The following IGSF9B variants were observed in gnomAD, a reference collection of about 807,000 sequenced individuals.
The protein encoded by IGSF9B is protein turtle homolog B.
IGSF9B carries 48 observed loss-of-function variants against 143.7 expected under a neutral mutation model. The observed-to-expected ratio is 0.33, with a 90% confidence interval of 0.26 to 0.42. The LOEUF is 0.42. Ranked by LOEUF, IGSF9B falls within the 20% of genes least tolerant of loss-of-function variation. The pLI is 1.00. For synonymous variants in IGSF9B, 903 were observed against 833.1 expected (o/e 1.08, Z -1.44); for missense variants, 1,706 against 1,980.0 (o/e 0.86, Z 2.63).
chr11:133,917,840 C>T lies in IGSF9B; in HGVS notation c.3983+1902G>A, dbSNP rs181847057. The stretch of plus-strand genomic sequence containing the variant: ...GCTGGGAGAATAGGGTGCGGGGGGG[C>T]TCTTCCTGGATACCAGAGGGGCCCC... On this transcript the variant is annotated intron_variant, in intron 18 of 19. Coordinates refer to ENST00000533871, the MANE Select transcript of IGSF9B (RefSeq NM_001277285.4). 1.0e-3 allele frequency among the ~76,000 whole-genome samples: 154 copies of T among 152,164 alleles called. 1 individual carries two copies. The highest frequency in any genetic ancestry group is 5.2e-3 in the Admixed American group (79 of 15,304).
intron 1 of IGSF9B, among the ~76,000 whole-genome samples, chr11:133,955,889 T>TCCCCG (rs1196543628): frequency 1.3e-5 from 2 of 150,388 alleles, no homozygotes; most frequent in Non-Finnish European, 3.0e-5. Flanking sequence ...GACCCCCCCT[T>TCCCCG]CCCCGCCCCT....
At position 133,956,841 on chromosome 11, in the gene IGSF9B, G is replaced by T; in HGVS notation, c.-87C>A. On this transcript the variant is annotated 5_prime_UTR_variant, in exon 1 of 20. Transcript: ENST00000533871. Reference sequence around the variant, plus strand: ...CCTCGCGCCCGAGCGCCCGCCTCGCGCCCGCCTCGCGCCGCCTACGCCCCG... The same window carrying T: ...CCTCGCGCCCGAGCGCCCGCCTCGCTCCCGCCTCGCGCCGCCTACGCCCCG... The T allele has an allele frequency of 2.5e-6, 2 of 786,944 alleles. No individual in the cohort carries two copies. Among genetic ancestry groups the T allele is most frequent in the South Asian group, 5.3e-5 (1 of 18,756 alleles). 48.7% of individuals were successfully genotyped at this position (786,944 alleles called of 1,614,324 possible). A position where few individuals can be genotyped will look rare whatever the true frequency, so the allele number is the denominator to read the frequency against.
At chr11:133,940,643 A>G (rs574595326) in intron 3 of IGSF9B, among the ~76,000 whole-genome samples, 29 of 144,148 alleles carry the variant, frequency 2.0e-4, no homozygotes, top group African/African-American at 7.4e-4. Flanking sequence ...CGCACGCGTC[A>G]TCACACGCAA....
rs1408687064 is a variant in IGSF9B at position 133,912,167 on chromosome 11, T to A, written c.3984-160A>T. 26 of 859,400 alleles carry A rather than the reference T, an allele frequency of 3.0e-5. 1 individual carries two copies. Among genetic ancestry groups the A allele is most frequent in the Admixed American group, 2.1e-5 (1 of 47,342 alleles). The allele number at this position is 859,400 out of a possible 1,614,324, so 53.2% of individuals were successfully genotyped here. ...TGGCTCCATGACACCCGCCTTTCTATTGCTCCTGGAAAGAAGAAAACCCAG... is the reference window on the plus strand; with the variant it reads ...TGGCTCCATGACACCCGCCTTTCTAATGCTCCTGGAAAGAAGAAAACCCAG... On this transcript the variant is annotated intron_variant, in intron 18 of 19. Coordinates refer to ENST00000533871, the MANE Select transcript of IGSF9B (RefSeq NM_001277285.4).
chr11:133,938,369 T>C (rs1178602955), intron 3 of IGSF9B, among the ~76,000 whole-genome samples: 1 of 152,272 alleles, frequency 6.6e-6, no homozygotes, highest in East Asian at 1.9e-4. Flanking sequence ...CCAGGACACT[T>C]GCCGTCGGAG....
At position 133,920,855 on chromosome 11, in the gene IGSF9B, G is replaced by T. The variant is rs546570473; in HGVS notation, c.2870C>A (p.Ala957Asp). The part of the protein sequence containing the change: ...LQATGQARPP[A>D]PRPFHHGQYY... The stretch of plus-strand genomic sequence containing the variant: ...CTGGCCATGGTGGAAGGGCCGGGGG[G>T]CAGGGGGCCGGGCCTGGCCTGTGGC... Residue 957 changes from alanine to aspartate, a missense_variant, in exon 18 of 20, where the codon GCC (alanine) becomes GAC (aspartate). Physicochemically the swap from Ala to Asp is moderately radical, Grantham distance 126. This residue lies in a region of IGSF9B where 880 missense variants were observed against 762.9 expected (regional missense o/e 1.15). Transcript: ENST00000533871. 4.4e-6 allele frequency: 7 copies of T among 1,601,374 alleles called. No individual in the cohort carries two copies. In the African/African-American group the frequency reaches 5.4e-5, roughly 12 times the overall value.
At position 133,920,044 on chromosome 11, in the gene IGSF9B, G is replaced by T; in HGVS notation, c.3681C>A (p.Gly1227=). ...ELAARARPRP[G]LLQQAEMSEI... is the part of the protein sequence containing the mutation. ...CTGACATCTCTGCCTGCTGCAGGAG[G>T]CCCGGGCGAGGCCGGGCACGGGCGG... Residue 1227 remains glycine (G), a synonymous_variant, in exon 18 of 20, where the codon GGC becomes GGA. Coordinates refer to ENST00000533871, the MANE Select transcript of IGSF9B (RefSeq NM_001277285.4). 6.4e-7 allele frequency: 1 copy of T among 1,566,506 alleles called. No individual in the cohort carries two copies. Among genetic ancestry groups the T allele is most frequent in the Non-Finnish European group, 8.6e-7 (1 of 1,157,916 alleles).
intron 18 of IGSF9B, among the ~76,000 whole-genome samples, chr11:133,916,031 G>A (rs1939374357): frequency 6.6e-6 from 1 of 152,172 alleles, no homozygotes; most frequent in Non-Finnish European, 1.5e-5. Context: ...TGTTTACAAA[G>A]GGGCCCCTTC....
chr11:133,921,337 G>A lies in IGSF9B; in HGVS notation c.2388C>T (p.Ser796=), dbSNP rs1395640546. The change falls in exon 18 of 20, where the codon TCC becomes TCT. Residue 796 remains serine (S), a synonymous_variant. Coordinates refer to ENST00000533871, the MANE Select transcript of IGSF9B (RefSeq NM_001277285.4). ...CCGCGGGCTGGCCCTGGTCGTCGGA[G>A]GATTCTGACGGCGCTCGGAGCGTGC... ...SIRTLRAPSE[S]SDDQGQPAAK... 29 of 1,587,572 alleles carry A rather than the reference G, an allele frequency of 1.8e-5. No individual in the cohort carries two copies. Among genetic ancestry groups the A allele is most frequent in the Non-Finnish European group, 2.4e-5 (28 of 1,165,890 alleles).
intron 3 of IGSF9B, among the ~76,000 whole-genome samples, chr11:133,942,517 C>T (rs1361621551): frequency 2.6e-5 from 4 of 152,200 alleles, no homozygotes; most frequent in Non-Finnish European, 2.9e-5. Context: ...TCCAGTCATA[C>T]GCACGTCCAC....
Position 133,920,994 on chromosome 11 carries a change from G to T in IGSF9B, c.2731C>A (p.Gln911Lys). The T allele has an allele frequency of 6.2e-7, 1 of 1,611,270 alleles. No individual in the cohort carries two copies. The highest frequency in any genetic ancestry group is 8.5e-7 in the Non-Finnish European group (1 of 1,178,122). The change falls in exon 18 of 20, where the codon CAG (glutamine) becomes AAG (lysine). Residue 911 changes from glutamine to lysine, a missense_variant. Gln to Lys is a moderately conservative substitution (Grantham distance 53, BLOSUM62 1). Around this residue, in one of 7 missense-constraint regions of IGSF9B, gnomAD observed 880 missense variants for 762.9 expected, o/e 1.15. Coordinates refer to ENST00000533871, the MANE Select transcript of IGSF9B (RefSeq NM_001277285.4). The part of the protein sequence containing the change: ...VPTSVAALKS[Q>K]LTPLSSSQES... ...TGGCTGGATGACAGAGGGGTGAGCTGGGACTTCAGGGCGGCCACAGATGTG... is the reference window on the plus strand; with the variant it reads ...TGGCTGGATGACAGAGGGGTGAGCTTGGACTTCAGGGCGGCCACAGATGTG...
At chr11:133,932,025 T>C (rs776969307) in intron 8 of IGSF9B, 46 bp downstream of exon 8, 2 of 1,584,416 alleles carry the variant, frequency 1.3e-6, no homozygotes, top group East Asian at 2.2e-5. Flanking sequence ...ATCACAGTAC[T>C]GGGGGGAGCC....
Position 133,921,350 on chromosome 11 carries a change from G to T in IGSF9B, c.2375C>A (p.Ala792Glu). The T allele has an allele frequency of 6.3e-7, 1 of 1,577,962 alleles. No individual in the cohort carries two copies. ...CTGGTCGTCGGAGGATTCTGACGGCGCTCGGAGCGTGCGGATGCTCTCGGG... is the reference window on the plus strand; with the variant it reads ...CTGGTCGTCGGAGGATTCTGACGGCTCTCGGAGCGTGCGGATGCTCTCGGG... The part of the protein sequence containing the change: ...VSPESIRTLR[A>E]PSESSDDQGQ... The change falls in exon 18 of 20, where the codon GCG becomes GAG. Residue 792 changes from alanine to glutamate, a missense_variant. Ala to Glu is a moderately radical substitution (Grantham distance 107). Coordinates refer to ENST00000533871, the MANE Select transcript of IGSF9B (RefSeq NM_001277285.4).
chr11:133,920,418 A>G lies in IGSF9B; in HGVS notation c.3307T>C (p.Trp1103Arg). The change falls in exon 18 of 20, where the codon TGG (tryptophan) becomes CGG (arginine). Residue 1103 changes from tryptophan (W) to arginine (R), a missense_variant. Physicochemically the swap from Trp to Arg is moderately radical, Grantham distance 101. Transcript: ENST00000533871. ...GILSLEAPKG[W>R]AGKSPGRGPV... ...CCCCTGCCGGGCGACTTGCCTGCCC[A>G]ACCCTTCGGTGCCTCCAGAGACAGG... 1 of 1,586,426 alleles carries G rather than the reference A, an allele frequency of 6.3e-7. No individual in the cohort carries two copies. Among genetic ancestry groups the G allele is most frequent in the East Asian group, 2.2e-5 (1 of 44,612 alleles).
chr11:133,939,767 AG>A (rs2121326226), intron 3 of IGSF9B, among the ~76,000 whole-genome samples: 1 of 151,854 alleles, frequency 6.6e-6, no homozygotes, highest in Admixed American at 6.6e-5. Context: ...CATCGCACAC[AG>A]AAACACACAC....
chr11:133,940,850 T>C (rs1249604223), intron 3 of IGSF9B, among the ~76,000 whole-genome samples: 1 of 152,184 alleles, frequency 6.6e-6, no homozygotes, highest in African/African-American at 2.4e-5. Context: ...CTAAAAATAA[T>C]GGCAAAAAGT....
At position 133,922,280 on chromosome 11, in the gene IGSF9B, G is replaced by A. The variant is rs369027403; in HGVS notation, c.2282-58C>T. On this transcript the variant is annotated intron_variant, in intron 16 of 19. Coordinates refer to ENST00000533871, the MANE Select transcript of IGSF9B (RefSeq NM_001277285.4). Reference sequence around the variant, plus strand: ...GGCCAAGCCAGCAACCACGCAGCACGCGCATCTGCAGAGGCTGACAGAGCC... The same window carrying A: ...GGCCAAGCCAGCAACCACGCAGCACACGCATCTGCAGAGGCTGACAGAGCC... 9.8e-4 allele frequency: 1,363 copies of A among 1,386,410 alleles called. 7 individuals are homozygous for A. Among genetic ancestry groups the A allele is most frequent in the African/African-American group, 1.9e-3 (133 of 69,380 alleles). The allele number at this position is 1,386,410 out of a possible 1,614,324, so 85.9% of individuals were successfully genotyped here.
At chr11:133,937,669 C>T (rs960472233) in intron 4 of IGSF9B, 141 bp downstream of exon 4, 19 of 1,147,142 alleles carry the variant, frequency 1.7e-5, no homozygotes, top group Middle Eastern at 2.2e-4. Context: ...GACACAGAGA[C>T]GCCTGCAGCT....
chr11:133,950,171 C>G (rs1202972892), intron 1 of IGSF9B, among the ~76,000 whole-genome samples: 4 of 152,204 alleles, frequency 2.6e-5, no homozygotes, highest in African/African-American at 9.7e-5. Flanking sequence ...CCTGGCACAG[C>G]CCATGTCTAG....
Sources: allele counts gnomAD v4.1 joint callset (sites outside exome capture counted in the v4.1 genomes callset), GRCh38; gene constraint gnomAD v4.1.1; regional missense constraint gnomAD v4.1.1; transcripts MANE v1.5; gene names NCBI Gene and HGNC (gene_info 2026-07-23, HGNC 2026-07-21).